PTPRR: variants seen among roughly 807,000 people sequenced by gnomAD.
The protein encoded by PTPRR is receptor-type tyrosine-protein phosphatase R.
In PTPRR, 38 loss-of-function variants were observed where a neutral mutation model predicts 77.2. That is an observed-to-expected ratio of 0.49 (90% CI 0.38 to 0.65). The LOEUF (loss-of-function observed/expected upper bound fraction) is 0.65. Ranked by LOEUF, PTPRR falls within the 30% of genes least tolerant of loss-of-function variation. PTPRR has a pLI of 0.00. For missense variants in PTPRR, 744 were observed against 799.2 expected (o/e 0.93, Z 0.83); for synonymous variants, 299 against 283.1 (o/e 1.06, Z -0.57).
rs550151102 is a variant in PTPRR at position 70,813,824 on chromosome 12, T to A, written c.358-49046A>T. Among the ~76,000 whole-genome samples, 4 of 152,150 alleles carry A rather than the reference T, an allele frequency of 2.6e-5. No homozygotes were observed. The South Asian group carries it at 8.3e-4, about 32-fold the overall frequency. On this transcript the variant is annotated intron_variant, in intron 2 of 13. Coordinates refer to ENST00000283228, the MANE Select transcript of PTPRR (RefSeq NM_002849.4). ...GCTGTATGGAAAAGAGAGACCTACA[T>A]AGAACGATCGCTTGCTCTACAGGGT...
At chr12:70,728,202 A>ATTT (rs113954383) in intron 6 of PTPRR, among the ~76,000 whole-genome samples, 1 of 127,784 alleles carries the variant, frequency 7.8e-6, no homozygotes, top group African/African-American at 2.9e-5. Flanking sequence ...CAGATTTTGG[A>ATTT]TTTTTTTTTT....
chr12:70,896,515 CAAGGTA>C (rs1592821288), intron 1 of PTPRR, among the ~76,000 whole-genome samples: 1 of 151,430 alleles, frequency 6.6e-6, no homozygotes, highest in Admixed American at 6.6e-5. Context: ...TGAAATTATA[CAAGGTA>C]TACTCTTTGA....
At chr12:70,794,121 T>TC (rs776082246) in intron 2 of PTPRR, among the ~76,000 whole-genome samples, 8 of 151,938 alleles carry the variant, frequency 5.3e-5, no homozygotes, top group Non-Finnish European at 7.4e-5. Flanking sequence ...GTCTCTAGAA[T>TC]CCCCCCCATA....
At chr12:70,663,459 A>G (rs538692015) in intron 10 of PTPRR, among the ~76,000 whole-genome samples, 1 of 152,330 alleles carries the variant, frequency 6.6e-6, no homozygotes, top group African/African-American at 2.4e-5. Flanking sequence ...TAGAGTAAGC[A>G]CTTACAACAT....
intron 2 of PTPRR, among the ~76,000 whole-genome samples, chr12:70,890,185 A>G (rs868160994): frequency 1.5e-4 from 23 of 152,156 alleles, no homozygotes; most frequent in African/African-American, 4.6e-4. Context: ...TGAGGCATTC[A>G]ATATCTTCTC....
chr12:70,876,164 C>A (rs1440146087), intron 2 of PTPRR, among the ~76,000 whole-genome samples: 1 of 151,880 alleles, frequency 6.6e-6, no homozygotes. Flanking sequence ...AAAATCTATC[C>A]AATTGACATA....
intron 1 of PTPRR, among the ~76,000 whole-genome samples, chr12:70,905,682 C>T (rs1385923902): frequency 6.6e-6 from 1 of 151,838 alleles, no homozygotes; most frequent in Admixed American, 6.6e-5. Flanking sequence ...TTCATTATTT[C>T]AAATTCAGTG....
chr12:70,905,052 G>C (rs1037865754), intron 1 of PTPRR, among the ~76,000 whole-genome samples: 13 of 149,962 alleles, frequency 8.7e-5, no homozygotes, highest in Admixed American at 3.3e-4. Flanking sequence ...AATGCAGCTG[G>C]AATAATTAGT....
At chr12:70,712,595 T>C (rs1888865662) in intron 6 of PTPRR, among the ~76,000 whole-genome samples, 1 of 151,310 alleles carries the variant, frequency 6.6e-6, no homozygotes, top group African/African-American at 2.4e-5. Context: ...CTATATTATG[T>C]CCAAGGAGCA....
intron 11 of PTPRR, among the ~76,000 whole-genome samples, chr12:70,661,433 T>A: frequency 6.6e-6 from 1 of 152,228 alleles, no homozygotes; most frequent in African/African-American, 2.4e-5. Flanking sequence ...CAAGAAAGAA[T>A]GAGATATATT....
chr12:70,865,750 T>C (rs1239645774), intron 2 of PTPRR, among the ~76,000 whole-genome samples: 1 of 152,184 alleles, frequency 6.6e-6, no homozygotes, highest in African/African-American at 2.4e-5. Flanking sequence ...ATCACTGTTG[T>C]AAACTCAGAT....
In PTPRR at chr12:70,663,423, G is replaced by T. The variant is rs111458776; in HGVS notation, c.1498-818C>A. Among the ~76,000 whole-genome samples the T allele has an allele frequency of 4.7e-3, 715 of 152,288 alleles. 5 individuals carry two copies. The highest frequency in any genetic ancestry group is 0.016 in the African/African-American group (683 of 41,568). ...TAGTTTCTTTATTATTGGCTATCTG[G>T]AAAGTACTTAGGATAAAGCCAGGCA... On this transcript the variant is annotated intron_variant, in intron 10 of 13. Transcript: ENST00000283228.
At chr12:70,765,949 G>C (rs1890810537) in intron 2 of PTPRR, among the ~76,000 whole-genome samples, 1 of 152,196 alleles carries the variant, frequency 6.6e-6, no homozygotes, top group African/African-American at 2.4e-5. Flanking sequence ...CTGCAGCTGA[G>C]GGTCCTGTCT....
intron 1 of PTPRR, among the ~76,000 whole-genome samples, chr12:70,914,770 C>T (rs1359160094): frequency 6.6e-6 from 1 of 152,074 alleles, no homozygotes; most frequent in African/African-American, 2.4e-5. Flanking sequence ...CTGCAGGGAG[C>T]CATGATTGCA....
chr12:70,639,902 A>G (rs1038872305), intron 13 of PTPRR, among the ~76,000 whole-genome samples: 7 of 152,190 alleles, frequency 4.6e-5, no homozygotes, highest in Non-Finnish European at 8.8e-5. Flanking sequence ...TTATTTGAAT[A>G]TGTTGTACAG....
Position 70,830,483 on chromosome 12 carries a change from A to G in PTPRR, c.357+62196T>C, listed in dbSNP as rs557014549. On this transcript the variant is annotated intron_variant, in intron 2 of 13. Transcript: ENST00000283228. ...GTTAAAGCTCCTGCCTGGAAATGAC[A>G]AATGTCAATCCACTACCGTTTTGTG... Among the ~76,000 whole-genome samples the G allele has an allele frequency of 3.9e-5, 6 of 152,350 alleles. No individual in the cohort carries two copies. In the South Asian group the frequency reaches 1.0e-3, roughly 26 times the overall value.
At chr12:70,918,594 T>C (rs1893808598) in intron 1 of PTPRR, among the ~76,000 whole-genome samples, 1 of 152,222 alleles carries the variant, frequency 6.6e-6, no homozygotes, top group Non-Finnish European at 1.5e-5. Flanking sequence ...CGAATATTCA[T>C]CTACAGTAAA....
chr12:70,804,780 A>C (rs1891680105), intron 2 of PTPRR, among the ~76,000 whole-genome samples: 1 of 152,208 alleles, frequency 6.6e-6, no homozygotes. Flanking sequence ...GACTGTTGAC[A>C]GCCTTGATGA....
intron 2 of PTPRR, among the ~76,000 whole-genome samples, chr12:70,863,069 T>C (rs754737473): frequency 6.6e-6 from 1 of 152,188 alleles, no homozygotes; most frequent in Non-Finnish European, 1.5e-5. Flanking sequence ...CCCTATTCTC[T>C]ACTAGAGGTC....
Sources: gnomAD v4.1 joint callset for allele counts (sites outside exome capture counted in the v4.1 genomes callset) on GRCh38, gnomAD v4.1.1 for gene constraint, MANE v1.5 for transcripts, NCBI Gene and HGNC (gene_info 2026-07-23, HGNC 2026-07-21) for gene names.